Variants in LRCH3 observed in about 807,000 individuals in gnomAD.
The protein encoded by LRCH3 is DISP complex protein LRCH3.
Under a neutral mutation model 104.5 loss-of-function variants are expected in LRCH3, and 68 were observed. That is an observed-to-expected ratio of 0.65 (90% CI 0.54 to 0.80). LRCH3 has a LOEUF of 0.80. Ranked by LOEUF, LRCH3 falls within the 30% of genes least tolerant of loss-of-function variation. The probability of loss-of-function intolerance (pLI) is 0.00; values close to 1 mark genes in which losing one functional copy is unlikely to be tolerated. For synonymous variants in LRCH3, 344 were observed against 361.3 expected, an observed-to-expected ratio of 0.95 and a Z score of 0.54; for missense variants, 951 against 953.9, an observed-to-expected ratio of 1.00 and a Z score of 0.04.
At chr3:197,879,475 T>C (rs1194441534) in intron 20 of LRCH3, among the ~76,000 whole-genome samples, 1 of 151,028 alleles carries the variant, frequency 6.6e-6, no homozygotes, top group Admixed American at 6.6e-5. Flanking sequence ...TGAAACCCCG[T>C]CTCTACTAAA....
chr3:197,834,149 T>A (rs902312402), intron 8 of LRCH3, among the ~76,000 whole-genome samples: 2 of 152,190 alleles, frequency 1.3e-5, no homozygotes, highest in African/African-American at 4.8e-5. Flanking sequence ...CAGGTTGTGG[T>A]TTAATGCATC....
chr3:197,828,034 G>A (rs1043379647), intron 5 of LRCH3, among the ~76,000 whole-genome samples: 9 of 141,616 alleles, frequency 6.4e-5, no homozygotes, highest in Non-Finnish European at 1.0e-4. Flanking sequence ...CTGAGATGGC[G>A]CCACTGCACT....
chr3:197,847,067 G>A (rs1026923345), intron 10 of LRCH3, among the ~76,000 whole-genome samples: 5 of 152,194 alleles, frequency 3.3e-5, no homozygotes, highest in African/African-American at 7.2e-5. Context: ...TACATGTATC[G>A]TGTTTTAATC....
At position 197,886,509 on chromosome 3, in the gene LRCH3, CTG is replaced by C. The variant is rs1429680500; in HGVS notation, c.*2847_*2848del. On this transcript the variant is annotated 3_prime_UTR_variant, in exon 21 of 21. Coordinates refer to ENST00000425562, the MANE Select transcript of LRCH3 (RefSeq NM_001365715.1). ...GAATTTAGCCATGTGCATTTTTAAA[CTG>C]TGTTTGTCAACATTAAGCCTCAGTA... 6.6e-6 allele frequency: 1 copy of C among 152,160 alleles called. No individual in the cohort carries two copies. Among genetic ancestry groups the C allele is most frequent in the East Asian group, 1.9e-4 (1 of 5,196 alleles). The allele number at this position is 152,160 out of a possible 1,614,324, so 9.4% of individuals were successfully genotyped here.
intron 1 of LRCH3, 140 bp from the exon 2 acceptor site, chr3:197,814,768 T>G (rs759340452): frequency 1.7e-6 from 1 of 599,298 alleles, no homozygotes; most frequent in South Asian, 3.1e-5. Flanking sequence ...TTGATATAAT[T>G]TGTAAGCAGA....
At chr3:197,867,090 C>T (rs566815364) in intron 17 of LRCH3, among the ~76,000 whole-genome samples, 6 of 152,268 alleles carry the variant, frequency 3.9e-5, no homozygotes, top group Admixed American at 3.3e-4. Flanking sequence ...GCCTGGCCAA[C>T]ATGGCGAAAC....
rs369202360 is a variant in LRCH3, at chr3:197,830,854, A to G, written c.972A>G (p.Ser324=). ...TGGACAGTGGTGATAAGAGATGGTC[A>G]GGGAATGAAGTAAGTGTTTTTTATG... The part of the protein sequence containing the change: ...NSVDSGDKRW[S]GNEPTDEFSD... Residue 324 remains serine (S), a synonymous_variant, in exon 7 of 21, where the codon TCA becomes TCG. Transcript: ENST00000425562. The G allele has an allele frequency of 1.2e-5, 20 of 1,612,970 alleles. No individual in the cohort carries two copies. Among genetic ancestry groups the G allele is most frequent in the Non-Finnish European group, 1.6e-5 (19 of 1,179,064 alleles).
chr3:197,839,357 C>CA lies in LRCH3; in HGVS notation c.1294dup (p.Thr432AsnfsTer16). On this transcript the variant is annotated frameshift_variant, in exon 10 of 21. Transcript: ENST00000425562. LOFTEE classifies it high-confidence loss of function. Reference sequence around the variant, plus strand: ...AAAGCCAGTAGCCATTAGGGAGTTTCAAAAAACAGAAGATATGAGAAGATA... The same window carrying CA: ...AAAGCCAGTAGCCATTAGGGAGTTTCAAAAAAACAGAAGATATGAGAAGATA... The CA allele has an allele frequency of 6.3e-7, 1 of 1,591,896 alleles. No individual in the cohort carries two copies.
At chr3:197,852,061 C>T (rs1192186900) in intron 12 of LRCH3, among the ~76,000 whole-genome samples, 1 of 152,196 alleles carries the variant, frequency 6.6e-6, no homozygotes, top group East Asian at 1.9e-4. Flanking sequence ...ACTGTGTACA[C>T]AGTGACATAC....
Position 197,864,334 on chromosome 3 carries a change from G to A in LRCH3, c.1717-1089G>A, listed in dbSNP as rs1161637018. Among the ~76,000 whole-genome samples the A allele has an allele frequency of 2.2e-5, 3 of 139,278 alleles. 1 individual carries two copies. Among genetic ancestry groups the A allele is most frequent in the African/African-American group, 9.7e-5 (3 of 31,020 alleles). The allele number at this position is 139,278 out of a possible 152,430, so 91.4% of individuals were successfully genotyped here. A position where few individuals can be genotyped will look rare whatever the true frequency, so the allele number is the denominator to read the frequency against. On this transcript the variant is annotated intron_variant, in intron 15 of 20. Transcript: ENST00000425562. ...AAATAAAAAATAAAAACAGCTGGGC[G>A]TGGTGGCTCATGCCTGTAATCCCAG...
At chr3:197,871,608 G>A (rs528680491) in intron 19 of LRCH3, 146 bp downstream of exon 19, 28 of 1,078,514 alleles carry the variant, frequency 2.6e-5, no homozygotes, top group Non-Finnish European at 3.6e-5. Context: ...ACTTCTACTC[G>A]AGAAGAAATA....
chr3:197,819,882 A>G (rs1305768669), intron 3 of LRCH3, among the ~76,000 whole-genome samples: 4 of 152,132 alleles, frequency 2.6e-5, no homozygotes, highest in Non-Finnish European at 5.9e-5. Flanking sequence ...TCTTTTTAAA[A>G]AAAAGAAAAT....
chr3:197,827,571 A>G (rs1735373029), intron 5 of LRCH3, among the ~76,000 whole-genome samples: 1 of 152,244 alleles, frequency 6.6e-6, no homozygotes, highest in African/African-American at 2.4e-5. Flanking sequence ...TCACATACAT[A>G]TGTATTTTTG....
In LRCH3 at chr3:197,871,458, C is replaced by G; in HGVS notation, c.2126C>G (p.Ala709Gly). Residue 709 changes from alanine to glycine, a missense_variant, in exon 19 of 21, where the codon GCT becomes GGT. Transcript: ENST00000425562. ...CCAAGCATTCATGTTCCCTCACCAGCTGTAGTAAGTTGATAATCCTAAAAA... is the reference window on the plus strand; with the variant it reads ...CCAAGCATTCATGTTCCCTCACCAGGTGTAGTAAGTTGATAATCCTAAAAA... ...SVPSIHVPSPAVPKLTMAKCR... is the reference protein window; with the variant it reads ...SVPSIHVPSPGVPKLTMAKCR... 1 of 1,613,494 alleles carries G rather than the reference C, an allele frequency of 6.2e-7. No homozygotes were observed. The highest frequency in any genetic ancestry group is 8.5e-7 in the Non-Finnish European group (1 of 1,179,538).
chr3:197,824,778 G>A (rs532102714), intron 4 of LRCH3, among the ~76,000 whole-genome samples: 14 of 151,666 alleles, frequency 9.2e-5, no homozygotes, highest in African/African-American at 3.4e-4. Flanking sequence ...TACCATCTTG[G>A]CCAGGCTGGT....
chr3:197,859,089 A>C, intron 15 of LRCH3, 184 bp downstream of exon 15: 1 of 596,170 alleles, frequency 1.7e-6, no homozygotes, highest in South Asian at 2.0e-5. Flanking sequence ...GATGCTAGAG[A>C]TAGTCATAGA....
At chr3:197,817,826 G>A (rs1320883024) in intron 3 of LRCH3, among the ~76,000 whole-genome samples, 2 of 151,952 alleles carry the variant, frequency 1.3e-5, no homozygotes, top group Admixed American at 6.6e-5. Flanking sequence ...TTGTTTGTTT[G>A]TTTGTTTGTT....
Position 197,886,823 on chromosome 3 carries a change from A to T in LRCH3, c.*3157A>T, listed in dbSNP as rs1714234458. On this transcript the variant is annotated 3_prime_UTR_variant, in exon 21 of 21. Transcript: ENST00000425562. ...CTGTCTCAAAAAAAAAAAAAAAAAAAAACCCACCAAACCAAAAATATACTA... is the reference window on the plus strand; with the variant it reads ...CTGTCTCAAAAAAAAAAAAAAAAAATAACCCACCAAACCAAAAATATACTA... 1 of 151,914 alleles carries T rather than the reference A, an allele frequency of 6.6e-6. No individual in the cohort carries two copies. The highest frequency in any genetic ancestry group is 2.4e-5 in the African/African-American group (1 of 41,322). 9.4% of individuals were successfully genotyped at this position (151,914 alleles called of 1,614,324 possible).
chr3:197,875,631 G>A, intron 19 of LRCH3, 67 bp from the exon 20 acceptor site: 1 of 1,214,104 alleles, frequency 8.2e-7, no homozygotes, highest in Admixed American at 2.0e-5. Flanking sequence ...TCCAGCCTGG[G>A]TGGCAGTGAG....
Sources: allele counts gnomAD v4.1 joint callset (sites outside exome capture counted in the v4.1 genomes callset), GRCh38; gene constraint gnomAD v4.1.1; transcripts MANE v1.5; gene names NCBI Gene and HGNC (gene_info 2026-07-23, HGNC 2026-07-21).